Variants in DOK6 observed in about 807,000 individuals in gnomAD.
The protein encoded by DOK6 is downstream of tyrosine kinase 6.
In DOK6, 22 loss-of-function variants were observed where a neutral mutation model predicts 44.0. That is an observed-to-expected ratio of 0.50 (90% confidence interval 0.36 to 0.71). The LOEUF (loss-of-function observed/expected upper bound fraction) is 0.71, where lower values mean the gene tolerates loss of function less well. Ranked by LOEUF, DOK6 falls within the 30% of genes least tolerant of loss-of-function variation. The pLI is 0.00. For synonymous variants in DOK6, 166 were observed against 145.5 expected (o/e 1.14, Z -1.01); for missense variants, 340 against 416.4 (o/e 0.82, Z 1.60).
chr18:69,440,199 A>T (rs1402207687), intron 1 of DOK6, among the ~76,000 whole-genome samples: 1 of 152,192 alleles, frequency 6.6e-6, no homozygotes, highest in African/African-American at 2.4e-5. Flanking sequence ...TAAGTTTAGC[A>T]TCTTATATGG....
intron 2 of DOK6, among the ~76,000 whole-genome samples, chr18:69,565,333 T>C (rs1312639410): frequency 1.3e-5 from 2 of 152,152 alleles, no homozygotes; most frequent in Admixed American, 6.5e-5. Flanking sequence ...TTTTATTTTA[T>C]GTAATATATT....
intron 7 of DOK6, among the ~76,000 whole-genome samples, chr18:69,777,403 C>A (rs564861744): frequency 6.6e-6 from 1 of 152,108 alleles, no homozygotes; most frequent in African/African-American, 2.4e-5. Flanking sequence ...ATTATTTATG[C>A]TAAAAATACC....
chr18:69,698,506 A>G lies in DOK6; in HGVS notation c.512A>G (p.Asn171Ser), dbSNP rs746042090. The change falls in exon 5 of 8, where the codon AAT (asparagine) becomes AGT (serine). Residue 171 changes from asparagine to serine, a missense_variant. Around this residue, in one of 3 missense-constraint regions of DOK6, gnomAD observed 206 missense variants for 258.6 expected, o/e 0.80. Transcript: ENST00000382713. ...HENIYLWDIHNAKVKLVMWPL... is the reference protein window; with the variant it reads ...HENIYLWDIHSAKVKLVMWPL... The stretch of plus-strand genomic sequence containing the variant: ...AATATCTATCTCTGGGATATCCACA[A>G]TGCCAAGGTCAAACTGGTGATGTGG... 1.9e-6 allele frequency: 3 copies of G among 1,614,114 alleles called. No individual in the cohort carries two copies. The highest frequency in any genetic ancestry group is 1.6e-4 in the Middle Eastern group (1 of 6,062).
chr18:69,827,808 A>T (rs2145129773), intron 7 of DOK6, among the ~76,000 whole-genome samples: 1 of 152,112 alleles, frequency 6.6e-6, no homozygotes, highest in East Asian at 1.9e-4. Flanking sequence ...CTTTTGTAAC[A>T]AATCTTTAAG....
chr18:69,412,972 A>T (rs1375070169), intron 1 of DOK6, among the ~76,000 whole-genome samples: 1 of 152,134 alleles, frequency 6.6e-6, no homozygotes, highest in Admixed American at 6.6e-5. Context: ...GGATCAATGT[A>T]ATGACACAGA....
chr18:69,564,232 G>C (rs775987307), intron 1 of DOK6, among the ~76,000 whole-genome samples: 1 of 152,170 alleles, frequency 6.6e-6, no homozygotes, highest in Non-Finnish European at 1.5e-5. Context: ...CTGACATCCA[G>C]ATGATTTAGT....
intron 1 of DOK6, among the ~76,000 whole-genome samples, chr18:69,485,732 T>A (rs1217473088): frequency 6.6e-6 from 1 of 152,116 alleles, no homozygotes; most frequent in Non-Finnish European, 1.5e-5. Flanking sequence ...TAGGAAGAAT[T>A]TTAACACAGA....
rs549514689 is a variant in DOK6, at chr18:69,410,044, C to T, written c.66+8734C>T. ...TATAAGTCTCCTAAACCAAAGTACA[C>T]CTAGTACCAAGTCATGATACTGAAT... On this transcript the variant is annotated intron_variant, in intron 1 of 7. Coordinates refer to ENST00000382713, the MANE Select transcript of DOK6 (RefSeq NM_152721.6). Among the ~76,000 whole-genome samples, 13 of 152,262 alleles carry T rather than the reference C, an allele frequency of 8.5e-5. No individual in the cohort carries two copies. In the East Asian group the frequency reaches 2.3e-3, roughly 27 times the overall value.
At chr18:69,678,116 G>T (rs1985966331) in intron 4 of DOK6, among the ~76,000 whole-genome samples, 1 of 152,072 alleles carries the variant, frequency 6.6e-6, no homozygotes, top group Non-Finnish European at 1.5e-5. Flanking sequence ...GGGTGTGGTG[G>T]CCCGCACCTG....
intron 1 of DOK6, among the ~76,000 whole-genome samples, chr18:69,519,131 AT>A (rs1211291304): frequency 6.6e-6 from 1 of 152,058 alleles, no homozygotes; most frequent in Admixed American, 6.6e-5. Context: ...AATATTACTC[AT>A]TTTTTGGCTC....
chr18:69,593,159 G>C (rs1305683160), intron 2 of DOK6, among the ~76,000 whole-genome samples: 1 of 152,014 alleles, frequency 6.6e-6, no homozygotes, highest in African/African-American at 2.4e-5. Flanking sequence ...GAGGCCAAGA[G>C]TTTAAGACCA....
intron 4 of DOK6, among the ~76,000 whole-genome samples, chr18:69,692,289 AT>A (rs1352868398): frequency 6.6e-6 from 1 of 152,240 alleles, no homozygotes. Context: ...AGTTGACAAT[AT>A]CCTTATGGGC....
intron 1 of DOK6, among the ~76,000 whole-genome samples, chr18:69,471,081 C>T (rs1044723871): frequency 6.6e-6 from 1 of 151,570 alleles, no homozygotes; most frequent in Non-Finnish European, 1.5e-5. Context: ...GAAACCCTGA[C>T]TCTACTAAAA....
At chr18:69,524,435 A>C (rs1158243596) in intron 1 of DOK6, among the ~76,000 whole-genome samples, 1 of 151,996 alleles carries the variant, frequency 6.6e-6, no homozygotes, top group Non-Finnish European at 1.5e-5. Context: ...TTAGAGTGTC[A>C]CTTTCATTGT....
intron 5 of DOK6, among the ~76,000 whole-genome samples, chr18:69,733,522 A>T (rs1304678552): frequency 6.6e-6 from 1 of 152,132 alleles, no homozygotes; most frequent in Non-Finnish European, 1.5e-5. Flanking sequence ...CATAGTCATC[A>T]TTTTCCATGC....
chr18:69,829,330 C>A (rs1213921920), intron 7 of DOK6, among the ~76,000 whole-genome samples: 1 of 151,676 alleles, frequency 6.6e-6, no homozygotes, highest in Non-Finnish European at 1.5e-5. Context: ...AAATTCTAAA[C>A]CAGACAAAAA....
intron 1 of DOK6, among the ~76,000 whole-genome samples, chr18:69,447,665 G>A (rs148259606): frequency 2.3e-3 from 353 of 152,246 alleles, no homozygotes; most frequent in Non-Finnish European, 3.9e-3. Flanking sequence ...TAACAGCCCT[G>A]CCTTAGCTTT....
intron 1 of DOK6, among the ~76,000 whole-genome samples, chr18:69,523,471 G>A (rs1406735044): frequency 6.6e-6 from 1 of 151,938 alleles, no homozygotes; most frequent in Non-Finnish European, 1.5e-5. Context: ...ATCACCTGAA[G>A]AATCAAGTCT....
intron 3 of DOK6, among the ~76,000 whole-genome samples, chr18:69,659,667 G>C (rs534640717): frequency 2.4e-4 from 37 of 152,078 alleles, no homozygotes; most frequent in Admixed American, 5.9e-4. Flanking sequence ...GTTTTGGAAT[G>C]TCTTGGAAAG....
Sources: allele counts gnomAD v4.1 joint callset (sites outside exome capture counted in the v4.1 genomes callset), GRCh38; gene constraint gnomAD v4.1.1; regional missense constraint gnomAD v4.1.1; transcripts MANE v1.5; gene names NCBI Gene and HGNC (gene_info 2026-07-23, HGNC 2026-07-21).